The following FGL1 variants were observed in gnomAD, a reference collection of about 807,000 sequenced individuals.
FGL1 encodes the protein fibrinogen like 1, also known as fibrinogen-like protein 1.
In FGL1, 59 loss-of-function variants were observed where a neutral mutation model predicts 43.7. The ratio of observed to expected loss-of-function variants is 1.35; its 90% CI spans 1.10 to 1.68. The LOEUF is 1.68. Ranked by LOEUF, FGL1 falls within the 40% of genes most tolerant of loss-of-function variation. The pLI is 0.00. For synonymous variants in FGL1, 192 were observed against 126.5 expected (o/e 1.52, Z -3.48); for missense variants, 596 against 373.0 (o/e 1.60, Z -4.92).
intron 3 of FGL1, 130 bp downstream of exon 3, chr8:17,881,869 A>G (rs1361040041): frequency 1.3e-6 from 1 of 750,092 alleles, no homozygotes; most frequent in Non-Finnish European, 2.0e-6. Flanking sequence ...GAAAGAAGAC[A>G]TTTACAATAG....
chr8:17,882,135 C>G lies in FGL1; in HGVS notation c.108G>C (p.Gln36His), dbSNP rs905328057. The G allele has an allele frequency of 1.2e-6, 2 of 1,613,998 alleles. No individual in the cohort carries two copies. Among genetic ancestry groups the G allele is most frequent in the East Asian group, 2.2e-5 (1 of 44,854 alleles). Reference sequence around the variant, plus strand: ...TGACCCGGGTCTCAAGCAGGCGCACCTGGGCTCTGAGCCGCATCTGCTCCT... The same window carrying G: ...TGACCCGGGTCTCAAGCAGGCGCACGTGGGCTCTGAGCCGCATCTGCTCCT... Reference protein sequence around the residue: ...CAQEQMRLRAQVRLLETRVKQ... With the variant: ...CAQEQMRLRAHVRLLETRVKQ... Residue 36 changes from glutamine to histidine, a missense_variant, in exon 3 of 8, where the codon CAG (glutamine) becomes CAC (histidine). Transcript: ENST00000427924.
Position 17,874,483 on chromosome 8 carries a change from C to T in FGL1, c.283G>A (p.Gly95Arg). The change falls in exon 4 of 8, where the codon GGA (glycine) becomes AGA (arginine). Residue 95 changes from glycine (G) to arginine (R), a missense_variant. Coordinates refer to ENST00000427924, the MANE Select transcript of FGL1 (RefSeq NM_004467.4). ...TGGAGAGGTTTGATTTTGTAAAATC[C>T]ACTGAGCTTATACCCATCATTGAAA... ...EIFNDGYKLS[G>R]FYKIKPLQSP... The T allele has an allele frequency of 1.9e-6, 3 of 1,613,866 alleles. No individual in the cohort carries two copies. The highest frequency in any genetic ancestry group is 2.5e-6 in the Non-Finnish European group (3 of 1,179,912).
chr8:17,878,344 A>C (rs1050526056), intron 3 of FGL1, among the ~76,000 whole-genome samples: 2 of 152,212 alleles, frequency 1.3e-5, no homozygotes, highest in African/African-American at 4.8e-5. Context: ...TATGGGACAC[A>C]CAGAGGTTAT....
At chr8:17,891,793 C>G (rs937996335) in intron 1 of FGL1, 2 of 983,774 alleles carry the variant, frequency 2.0e-6, no homozygotes, top group African/African-American at 3.5e-5. Flanking sequence ...TTATCAGATT[C>G]CCTCCATCTT....
intron 7 of FGL1, among the ~76,000 whole-genome samples, chr8:17,865,717 C>T (rs2053260558): frequency 6.6e-6 from 1 of 152,066 alleles, no homozygotes; most frequent in South Asian, 2.1e-4. Context: ...AAATTAATTG[C>T]CATATACTTC....
At chr8:17,870,839 G>A (rs1049289319) in intron 5 of FGL1, among the ~76,000 whole-genome samples, 2 of 151,862 alleles carry the variant, frequency 1.3e-5, no homozygotes, top group East Asian at 1.9e-4. Flanking sequence ...CCGGGAGGCA[G>A]AGGTTGCAGT....
intron 3 of FGL1, among the ~76,000 whole-genome samples, chr8:17,879,740 T>G (rs2053507047): frequency 6.6e-6 from 1 of 152,116 alleles, no homozygotes; most frequent in Non-Finnish European, 1.5e-5. Context: ...CTTTTCTTTA[T>G]AAACGACCCA....
intron 1 of FGL1, 35 bp downstream of exon 1, chr8:17,895,412 G>A: frequency 7.8e-7 from 1 of 1,274,824 alleles, no homozygotes; most frequent in Non-Finnish European, 1.0e-6. Flanking sequence ...ATTATTACAA[G>A]CATGTCAAAA....
intron 3 of FGL1, among the ~76,000 whole-genome samples, chr8:17,879,963 A>T (rs13274621): frequency 7.6e-4 from 116 of 152,176 alleles, no homozygotes; most frequent in African/African-American, 2.5e-3. Flanking sequence ...TGGAGTAATG[A>T]TGATCCACTG....
Position 17,874,529 on chromosome 8 carries a change from TA to T in FGL1, c.245-9del. On this transcript the variant is annotated splice_polypyrimidine_tract_variant and intron_variant, in intron 3 of 7. Transcript: ENST00000427924. ...TGAAAATCTCTGAACAATCTGTTTT[TA>T]AAACAAGGTAATGTAACATTCATTA... 6.2e-7 allele frequency: 1 copy of T among 1,601,750 alleles called. No homozygotes were observed. The highest frequency in any genetic ancestry group is 1.3e-5 in the African/African-American group (1 of 74,566).
chr8:17,879,163 G>T (rs181855302), intron 3 of FGL1, among the ~76,000 whole-genome samples: 56 of 151,428 alleles, frequency 3.7e-4, no homozygotes, highest in African/African-American at 1.3e-3. Context: ...CCTATCATCT[G>T]TCTTATTATT....
At chr8:17,893,234 A>AT (rs1210787262) in intron 1 of FGL1, among the ~76,000 whole-genome samples, 1 of 151,990 alleles carries the variant, frequency 6.6e-6, no homozygotes, top group Non-Finnish European at 1.5e-5. Context: ...ACAACAAAAA[A>AT]CACCTAGAGC....
intron 1 of FGL1, among the ~76,000 whole-genome samples, chr8:17,893,869 A>C (rs17125822): frequency 0.058 from 8,571 of 147,136 alleles, 893 homozygotes; most frequent in East Asian, 0.075. Context: ...AGTTGTATCA[A>C]ATTATTCTGT....
intron 4 of FGL1, 43 bp downstream of exon 4, chr8:17,874,319 C>A: frequency 6.3e-7 from 1 of 1,579,338 alleles, no homozygotes; most frequent in South Asian, 1.1e-5. Context: ...ATAAATCTCA[C>A]ATTTGCTGCT....
At chr8:17,877,819 T>C (rs972716004) in intron 3 of FGL1, among the ~76,000 whole-genome samples, 1 of 152,202 alleles carries the variant, frequency 6.6e-6, no homozygotes, top group African/African-American at 2.4e-5. Flanking sequence ...ATTAAATTAA[T>C]ATTGAGAGAA....
chr8:17,872,761 G>A (rs1356671141), intron 5 of FGL1, among the ~76,000 whole-genome samples: 1 of 152,074 alleles, frequency 6.6e-6, no homozygotes, highest in Non-Finnish European at 1.5e-5. Context: ...AAAGAACATG[G>A]GAGATAGAAG....
At chr8:17,893,080 T>A (rs10095395) in intron 1 of FGL1, among the ~76,000 whole-genome samples, 81,408 of 151,898 alleles carry the variant, frequency 0.54, 24,902 homozygotes, top group Non-Finnish European at 0.71. Flanking sequence ...ACACACCTTT[T>A]ATCCCAGCTA....
chr8:17,878,779 TAAG>T (rs1229890160), intron 3 of FGL1, among the ~76,000 whole-genome samples: 4 of 152,160 alleles, frequency 2.6e-5, no homozygotes, highest in African/African-American at 9.6e-5. Context: ...AACTTGTAAA[TAAG>T]AAGAAAAGAT....
intron 5 of FGL1, 133 bp from the exon 6 acceptor site, chr8:17,869,137 A>C: frequency 1.8e-6 from 1 of 564,838 alleles, no homozygotes; most frequent in Non-Finnish European, 3.2e-6. Flanking sequence ...TTCAAAGATT[A>C]AACAGTGACT....
Sources: allele counts gnomAD v4.1 joint callset (sites outside exome capture counted in the v4.1 genomes callset), GRCh38; gene constraint gnomAD v4.1.1; transcripts MANE v1.5; gene names NCBI Gene and HGNC (gene_info 2026-07-23, HGNC 2026-07-21).